Variants in AFG2A observed in about 807,000 individuals in gnomAD.
The protein encoded by AFG2A is AAA ATPase AFG2A, also known as ATPase family gene 2 protein homolog A.
the AFG2A span, among the ~76,000 whole-genome samples, chr4:123,210,660 C>T: frequency 4.6e-5 from 7 of 152,038 alleles, no homozygotes; most frequent in African/African-American, 1.7e-4. Flanking sequence ...GTACAGATAG[C>T]TCTTTGATAT....
chr4:122,948,974 T>G, the AFG2A span, among the ~76,000 whole-genome samples: 2 of 152,110 alleles, frequency 1.3e-5, no homozygotes, highest in Non-Finnish European at 2.9e-5. Context: ...GAATAACAAA[T>G]ATAATAACAA....
chr4:122,928,994 C>T, the AFG2A span: 2 of 1,585,338 alleles, frequency 1.3e-6, no homozygotes, highest in Admixed American at 1.8e-5. Context: ...TGATGGTATT[C>T]TATGAATATT....
the AFG2A span, among the ~76,000 whole-genome samples, chr4:123,280,641 A>G: frequency 6.6e-6 from 1 of 152,198 alleles, no homozygotes; most frequent in African/African-American, 2.4e-5. Flanking sequence ...CTAGCAGCCT[A>G]GCATCTTCAA....
the AFG2A span, among the ~76,000 whole-genome samples, chr4:123,227,364 C>T: frequency 2.2e-3 from 334 of 152,154 alleles, 2 homozygotes; most frequent in Middle Eastern, 0.014. Flanking sequence ...ATAAATTTCC[C>T]TCTACACACT....
the AFG2A span, among the ~76,000 whole-genome samples, chr4:123,227,436 A>G: frequency 6.6e-6 from 1 of 152,168 alleles, no homozygotes; most frequent in Non-Finnish European, 1.5e-5. Context: ...GTTTCAAAGA[A>G]CATCTGTATT....
chr4:123,240,804 C>G, the AFG2A span, among the ~76,000 whole-genome samples: 95,521 of 151,848 alleles, frequency 0.63, 30,892 homozygotes, highest in Admixed American at 0.69. Flanking sequence ...AGGAGATAGA[C>G]ACACACAAAA....
the AFG2A span, among the ~76,000 whole-genome samples, chr4:123,163,263 G>A: frequency 2.6e-5 from 4 of 152,088 alleles, no homozygotes; most frequent in Middle Eastern, 3.2e-3. Flanking sequence ...GTGAAACCCC[G>A]TCTCTACTAA....
the AFG2A span, among the ~76,000 whole-genome samples, chr4:123,298,436 C>T: frequency 4.6e-5 from 7 of 152,304 alleles, no homozygotes; most frequent in East Asian, 3.9e-4. Flanking sequence ...AAGTTCAGTT[C>T]GACCCAATAA....
At chr4:123,199,590 G>A in the AFG2A span, among the ~76,000 whole-genome samples, 1 of 145,954 alleles carries the variant, frequency 6.9e-6, no homozygotes, top group Non-Finnish European at 1.5e-5. Context: ...TCCCACCTCA[G>A]CCTCCTGAGT....
the AFG2A span, among the ~76,000 whole-genome samples, chr4:123,249,267 G>A: frequency 1.2e-4 from 19 of 152,280 alleles, no homozygotes; most frequent in African/African-American, 3.6e-4. Context: ...AAATATGTGC[G>A]AAAACAGGGA....
At chr4:122,952,398 C>A in the AFG2A span, among the ~76,000 whole-genome samples, 1 of 152,154 alleles carries the variant, frequency 6.6e-6, no homozygotes, top group Admixed American at 6.5e-5. Context: ...CAGTGGGCCC[C>A]CTTCTTGACT....
chr4:123,063,373 G>T, the AFG2A span, among the ~76,000 whole-genome samples: 4 of 152,020 alleles, frequency 2.6e-5, no homozygotes, highest in African/African-American at 4.8e-5. Context: ...GATTTAATTC[G>T]TCCAAAGCTA....
chr4:123,272,327 GTTTGTTA>G, the AFG2A span, among the ~76,000 whole-genome samples: 2,126 of 152,212 alleles, frequency 0.014, 58 homozygotes, highest in African/African-American at 0.048. Flanking sequence ...ATTTTCAGGT[GTTTGTTA>G]TTTGTGAAAC....
the AFG2A span, among the ~76,000 whole-genome samples, chr4:123,167,841 C>G: frequency 5.3e-5 from 8 of 152,130 alleles, no homozygotes; most frequent in African/African-American, 1.2e-4. Context: ...GTAACCAGTA[C>G]TTTATTGTAA....
chr4:123,292,011 A>T, the AFG2A span, among the ~76,000 whole-genome samples: 33 of 152,214 alleles, frequency 2.2e-4, no homozygotes, highest in African/African-American at 7.9e-4. Context: ...TATGATTCTT[A>T]GGTTTGGACG....
At chr4:123,032,029 A>C in the AFG2A span, among the ~76,000 whole-genome samples, 1 of 152,214 alleles carries the variant, frequency 6.6e-6, no homozygotes, top group African/African-American at 2.4e-5. Flanking sequence ...GGAGTGCTAC[A>C]ATAGATTAAT....
the AFG2A span, chr4:122,935,932 A>G: frequency 4.4e-5 from 61 of 1,378,298 alleles, no homozygotes; most frequent in Non-Finnish European, 5.8e-5. Flanking sequence ...ATTCTGTGTG[A>G]TATTTTGTAC....
the AFG2A span, among the ~76,000 whole-genome samples, chr4:123,107,896 C>T: frequency 1.3e-5 from 2 of 152,238 alleles, no homozygotes; most frequent in African/African-American, 4.8e-5. Flanking sequence ...CTGCCCAGAG[C>T]CTGCGCCACA....
At chr4:122,953,772 C>T in the AFG2A span, among the ~76,000 whole-genome samples, 1 of 152,220 alleles carries the variant, frequency 6.6e-6, no homozygotes, top group Non-Finnish European at 1.5e-5. Context: ...GCCCCTTGGC[C>T]ATCTCCTTTC....
Sources: allele counts gnomAD v4.1 joint callset (sites outside exome capture counted in the v4.1 genomes callset), GRCh38; gene constraint gnomAD v4.1.1; transcripts MANE v1.5; gene names NCBI Gene and HGNC (gene_info 2026-07-23, HGNC 2026-07-21).